Variants in PPP1R1C observed in about 807,000 individuals in gnomAD.
The protein encoded by PPP1R1C is protein phosphatase 1 regulatory subunit 1C.
In PPP1R1C, 15 loss-of-function variants were observed where a neutral mutation model predicts 17.4. That is an observed-to-expected ratio of 0.86 (90% CI 0.58 to 1.33). The LOEUF is 1.33. Among genes scored for constraint, PPP1R1C ranks in the 40% most tolerant of loss-of-function variants. The pLI, the probability that PPP1R1C is intolerant of heterozygous loss-of-function variation, is 0.00. For synonymous variants in PPP1R1C, 35 were observed against 43.1 expected, an observed-to-expected ratio of 0.81 and a Z score of 0.73; for missense variants, 143 against 130.0, an observed-to-expected ratio of 1.10 and a Z score of -0.48.
At chr2:181,955,758 T>C (rs1175625681) in intron 1 of PPP1R1C, among the ~76,000 whole-genome samples, 3 of 152,244 alleles carry the variant, frequency 2.0e-5, no homozygotes, top group Non-Finnish European at 4.4e-5. Flanking sequence ...ACACTTTTCT[T>C]GATTATTAAG....
chr2:182,064,064 A>G, intron 4 of PPP1R1C: 1 of 411,220 alleles, frequency 2.4e-6, no homozygotes, highest in Non-Finnish European at 4.3e-6. Context: ...TTTTACCGTT[A>G]TTCGCATACT....
At chr2:182,093,849 C>T (rs1389595117) in intron 4 of PPP1R1C, among the ~76,000 whole-genome samples, 1 of 152,206 alleles carries the variant, frequency 6.6e-6, no homozygotes, top group Non-Finnish European at 1.5e-5. Flanking sequence ...CAAAGCCATT[C>T]AACAAGCCTC....
chr2:182,077,690 G>T (rs995720108), intron 4 of PPP1R1C, among the ~76,000 whole-genome samples: 1 of 152,138 alleles, frequency 6.6e-6, no homozygotes. Context: ...CCTCCTAGGA[G>T]AGTTTTTATC....
intron 4 of PPP1R1C, among the ~76,000 whole-genome samples, chr2:182,075,897 G>A (rs755722824): frequency 6.6e-6 from 1 of 151,988 alleles, no homozygotes; most frequent in Admixed American, 6.5e-5. Flanking sequence ...TATATTTTAT[G>A]TATCAAAAAT....
chr2:182,123,050 G>A (rs950945503), intron 5 of PPP1R1C, among the ~76,000 whole-genome samples: 2 of 152,056 alleles, frequency 1.3e-5, no homozygotes, highest in East Asian at 1.9e-4. Flanking sequence ...TCCCCTCCCT[G>A]TGCCCATATG....
intron 4 of PPP1R1C, among the ~76,000 whole-genome samples, chr2:182,082,526 A>C (rs1034289422): frequency 3.9e-5 from 6 of 152,072 alleles, no homozygotes; most frequent in Admixed American, 6.6e-5. Context: ...GTCATGGAGG[A>C]GGCCTGATTC....
At chr2:181,992,146 T>A (rs1013818236) in intron 2 of PPP1R1C, among the ~76,000 whole-genome samples, 12 of 152,174 alleles carry the variant, frequency 7.9e-5, no homozygotes, top group African/African-American at 2.9e-4. Context: ...TGAGACTCGC[T>A]CCATTTTATA....
In PPP1R1C at chr2:181,962,537, G is replaced by T; in HGVS notation, n.111+7903G>T. 3.4e-6 allele frequency: 2 copies of T among 591,990 alleles called. No homozygotes were observed. Among genetic ancestry groups the T allele is most frequent in the Admixed American group, 4.8e-5 (2 of 41,672 alleles). 36.7% of individuals were successfully genotyped at this position (591,990 alleles called of 1,614,324 possible). ...CAGGCTTTGCCGACCCGTCATAGCA[G>T]TTTTCTAAGGAACCTGCAGAGAAAC... On this transcript the variant is annotated intron_variant and non_coding_transcript_variant, in intron 1 of 5. Coordinates refer to the PPP1R1C transcript ENST00000464264. The surrounding 1 kb of genome is among the most constrained non-coding windows in gnomAD (Gnocchi z 6.0).
Position 182,117,325 on chromosome 2 carries a change from G to C in PPP1R1C, c.*30G>C. Reference sequence around the variant, plus strand: ...TGGTCTGCAGCAAGAAGGCTTCTTGGAAATAACTGAACTATTAACTTTTCT... The same window carrying C: ...TGGTCTGCAGCAAGAAGGCTTCTTGCAAATAACTGAACTATTAACTTTTCT... On this transcript the variant is annotated 3_prime_UTR_variant, in exon 5 of 5. Coordinates refer to ENST00000682840, the MANE Select transcript of PPP1R1C (RefSeq NM_001080545.3). 6.9e-7 allele frequency: 1 copy of C among 1,441,134 alleles called. No individual in the cohort carries two copies. Among genetic ancestry groups the C allele is most frequent in the Non-Finnish European group, 9.5e-7 (1 of 1,057,754 alleles). The allele number at this position is 1,441,134 out of a possible 1,614,324, so 89.3% of individuals were successfully genotyped here. A position where few individuals can be genotyped will look rare whatever the true frequency, so the allele number is the denominator to read the frequency against.
At position 181,986,117 on chromosome 2, in the gene PPP1R1C, C is replaced by G; in HGVS notation, c.7C>G (p.Pro3Ala). 6.2e-7 allele frequency: 1 copy of G among 1,613,028 alleles called. No homozygotes were observed. Among genetic ancestry groups the G allele is most frequent in the Non-Finnish European group, 8.5e-7 (1 of 1,179,056 alleles). The change falls in exon 1 of 5, where the codon CCC (proline) becomes GCC (alanine). Residue 3 changes from proline to alanine, a missense_variant. Pro to Ala is a conservative substitution (Grantham distance 27, BLOSUM62 -1). Coordinates refer to ENST00000682840, the MANE Select transcript of PPP1R1C (RefSeq NM_001080545.3). Reference sequence around the variant, plus strand: ...ACTAATTATCATCATTACCATGGAGCCCAACAGTCCCAAAAAGATACAGTT... The same window carrying G: ...ACTAATTATCATCATTACCATGGAGGCCAACAGTCCCAAAAAGATACAGTT... MEPNSPKKIQFAV... is the reference protein window; with the variant it reads MEANSPKKIQFAV...
At chr2:181,983,512 C>T (rs1195480278), upstream of PPP1R1C, among the ~76,000 whole-genome samples, 1 of 152,068 alleles carries the variant, frequency 6.6e-6, no homozygotes, top group African/African-American at 2.4e-5. Context: ...AATTATACCC[C>T]CCATGCAAAC....
chr2:182,030,017 C>A lies in PPP1R1C; in HGVS notation c.143-31425C>A, dbSNP rs1229024110. 9.4e-4 allele frequency among the ~76,000 whole-genome samples: 102 copies of A among 108,092 alleles called. No homozygotes were observed. The Middle Eastern group carries it at 0.016, about 17-fold the overall frequency. 70.9% of individuals were successfully genotyped at this position (108,092 alleles called of 152,430 possible). On this transcript the variant is annotated intron_variant, in intron 2 of 4. Transcript: ENST00000682840. ...CAGTTGATCGCATCGGCTCCTGAGG[C>A]TTCTGCATTCTTCACGTAGTTCTCG...
At chr2:182,094,843 A>C (rs576551154) in intron 4 of PPP1R1C, among the ~76,000 whole-genome samples, 207 of 152,358 alleles carry the variant, frequency 1.4e-3, no homozygotes, top group African/African-American at 4.8e-3. Context: ...AGGCCAAGCT[A>C]TGATCTTCAA....
intron 1 of PPP1R1C, among the ~76,000 whole-genome samples, chr2:181,960,384 T>C (rs1365401949): frequency 6.6e-6 from 1 of 152,242 alleles, no homozygotes; most frequent in Non-Finnish European, 1.5e-5. Context: ...GTGAGATCAG[T>C]GGTCTGGTAA....
In PPP1R1C at chr2:181,961,130, C is replaced by T; in HGVS notation, n.111+6496C>T. Reference sequence around the variant, plus strand: ...CAGTTTTCTTGTCTTCCTTCCCTCCCTTCCTTCCTTCCTTTCACCTCTGAA... The same window carrying T: ...CAGTTTTCTTGTCTTCCTTCCCTCCTTTCCTTCCTTCCTTTCACCTCTGAA... On this transcript the variant is annotated intron_variant and non_coding_transcript_variant, in intron 1 of 5. Transcript: ENST00000464264. The surrounding 1 kb of genome is among the most constrained non-coding windows in gnomAD (Gnocchi z 5.8). 7.4e-6 allele frequency: 4 copies of T among 541,862 alleles called. No homozygotes were observed. The highest frequency in any genetic ancestry group is 1.0e-5 in the Non-Finnish European group (3 of 298,730). The allele number at this position is 541,862 out of a possible 1,614,324, so 33.6% of individuals were successfully genotyped here.
chr2:182,059,305 G>A (rs1447178417), intron 2 of PPP1R1C, among the ~76,000 whole-genome samples: 5 of 152,016 alleles, frequency 3.3e-5, no homozygotes, highest in Non-Finnish European at 7.4e-5. Flanking sequence ...TATAGTTTTT[G>A]ATTATGGGTA....
downstream of PPP1R1C, among the ~76,000 whole-genome samples, chr2:182,121,364 T>TATA (rs3063150): frequency 0.65 from 97,834 of 151,628 alleles, 31,747 homozygotes; most frequent in African/African-American, 0.7. Flanking sequence ...ATAATTGGTA[T>TATA]TTATTATTAT....
intron 4 of PPP1R1C, among the ~76,000 whole-genome samples, chr2:182,093,342 G>A (rs771454187): frequency 3.9e-5 from 6 of 152,196 alleles, no homozygotes; most frequent in East Asian, 1.9e-4. Flanking sequence ...CCTGGCCCAC[G>A]AAACCACTTT....
intron 2 of PPP1R1C, among the ~76,000 whole-genome samples, chr2:182,028,588 A>T (rs1686702263): frequency 6.6e-6 from 1 of 152,064 alleles, no homozygotes; most frequent in Admixed American, 6.6e-5. Context: ...AGTTTGTTAT[A>T]ATCTCTGTTC....
Sources: allele counts gnomAD v4.1 joint callset (sites outside exome capture counted in the v4.1 genomes callset), GRCh38; gene constraint gnomAD v4.1.1; non-coding constraint Gnocchi (gnomAD v3.1); transcripts MANE v1.5; gene names NCBI Gene and HGNC (gene_info 2026-07-23, HGNC 2026-07-21).